The following PAWR variants were observed in gnomAD, a reference collection of about 807,000 sequenced individuals.
PAWR encodes the protein PRKC apoptosis WT1 regulator protein.
A neutral mutation model predicts 32.0 loss-of-function variants in PAWR; 23 were observed. That is an observed-to-expected ratio of 0.72 (90% CI 0.52 to 1.02). The LOEUF (loss-of-function observed/expected upper bound fraction) is 1.02, where lower values mean the gene tolerates loss of function less well. PAWR is among the 50% of genes least tolerant of loss of function. The probability of loss-of-function intolerance (pLI) is 0.00; values close to 1 mark genes in which losing one functional copy is unlikely to be tolerated. For missense variants in PAWR, 457 were observed against 437.7 expected (o/e 1.04, Z -0.39); for synonymous variants, 226 against 187.1 (o/e 1.21, Z -1.70).
At chr12:79,662,858 G>A (rs1436210491) in intron 2 of PAWR, among the ~76,000 whole-genome samples, 1 of 152,138 alleles carries the variant, frequency 6.6e-6, no homozygotes, top group Non-Finnish European at 1.5e-5. Flanking sequence ...TTTTTAAAGT[G>A]CTAATTATTA....
chr12:79,618,963 C>G (rs113657638), intron 3 of PAWR, among the ~76,000 whole-genome samples: 1 of 151,654 alleles, frequency 6.6e-6, no homozygotes, highest in Admixed American at 6.6e-5. Context: ...CTTTCACTTT[C>G]TACAGTTTCA....
intron 2 of PAWR, among the ~76,000 whole-genome samples, chr12:79,643,899 C>T (rs1565687487): frequency 6.6e-6 from 1 of 152,134 alleles, no homozygotes; most frequent in Non-Finnish European, 1.5e-5. Context: ...ATTTCACTGA[C>T]ATTGGACTAA....
rs112345547 is a variant in PAWR at position 79,644,784 on chromosome 12, C to T, written c.517-23577G>A. ...TTCCCTTAGATTCTAAACAGGTTTG[C>T]ATTTACATGTCCTAACCCTAAGATA... is the stretch of plus-strand genomic sequence containing the variant. On this transcript the variant is annotated intron_variant, in intron 2 of 6. Coordinates refer to ENST00000328827, the MANE Select transcript of PAWR (RefSeq NM_002583.4). Among the ~76,000 whole-genome samples the T allele has an allele frequency of 2.8e-3, 422 of 152,194 alleles. 2 individuals carry two copies. The highest frequency in any genetic ancestry group is 5.0e-3 in the Non-Finnish European group (338 of 67,980).
intron 2 of PAWR, among the ~76,000 whole-genome samples, chr12:79,643,906 CTAAA>C (rs1876450371): frequency 6.6e-6 from 1 of 152,134 alleles, no homozygotes; most frequent in African/African-American, 2.4e-5. Context: ...TGACATTGGA[CTAAA>C]TAATTACTAG....
chr12:79,617,707 G>C (rs540470384), intron 3 of PAWR, among the ~76,000 whole-genome samples: 17 of 152,130 alleles, frequency 1.1e-4, no homozygotes, highest in Non-Finnish European at 1.9e-4. Flanking sequence ...GATCAAATTA[G>C]AGTAATTAGC....
At chr12:79,627,748 G>C (rs1248590040) in intron 2 of PAWR, among the ~76,000 whole-genome samples, 1 of 152,164 alleles carries the variant, frequency 6.6e-6, no homozygotes, top group Non-Finnish European at 1.5e-5. Context: ...AATTCAAGAA[G>C]AAGAGCTAAC....
At chr12:79,673,243 G>A (rs920004701) in intron 2 of PAWR, among the ~76,000 whole-genome samples, 3 of 151,706 alleles carry the variant, frequency 2.0e-5, no homozygotes, top group Non-Finnish European at 2.9e-5. Flanking sequence ...CTAATTTTTT[G>A]TATTTTTAGT....
chr12:79,633,707 A>C (rs1045081804), intron 2 of PAWR, among the ~76,000 whole-genome samples: 1 of 152,210 alleles, frequency 6.6e-6, no homozygotes, highest in Non-Finnish European at 1.5e-5. Flanking sequence ...ACCAACAACA[A>C]GGTACTCACC....
chr12:79,604,266 AC>A, intron 4 of PAWR: 1 of 988,428 alleles, frequency 1.0e-6, no homozygotes, highest in Non-Finnish European at 1.2e-6. Context: ...AGCTACAAAG[AC>A]ATGAACTATA....
chr12:79,689,824 C>T lies in PAWR; in HGVS notation c.421G>A (p.Gly141Ser). 1.3e-6 allele frequency: 2 copies of T among 1,594,514 alleles called. No homozygotes were observed. Among genetic ancestry groups the T allele is most frequent in the Non-Finnish European group, 1.7e-6 (2 of 1,171,586 alleles). The change falls in exon 2 of 7, where the codon GGC (glycine) becomes AGC (serine). Residue 141 changes from glycine to serine, a missense_variant. Transcript: ENST00000328827. ...CCCTTGCCTTTCCTGGCACTGGGGC[C>T]CGAGCTCTTGCCCTTCTCTGGGACG... ...DGVPEKGKSS[G>S]PSARKGKGQI...
At chr12:79,639,881 T>TATTCCTATTCCTATTCCCATTCCATTCC in intron 2 of PAWR, among the ~76,000 whole-genome samples, 2 of 112,502 alleles carry the variant, frequency 1.8e-5, no homozygotes, top group African/African-American at 1.0e-4. Context: ...TTCCTATTCC[T>TATTCCTATTCCTATTCCCATTCCATTCC]ATTCCATTCC....
intron 3 of PAWR, among the ~76,000 whole-genome samples, chr12:79,620,783 A>C (rs1297437155): frequency 6.6e-6 from 1 of 152,160 alleles, no homozygotes; most frequent in East Asian, 1.9e-4. Flanking sequence ...CAAGTTGAGG[A>C]AGAGTCCCCA....
chr12:79,678,887 C>CG (rs1321032321), intron 2 of PAWR, among the ~76,000 whole-genome samples: 1 of 61,642 alleles, frequency 1.6e-5, no homozygotes, highest in African/African-American at 4.9e-5. Flanking sequence ...TTTTTTTTGG[C>CG]GGGGGTGGGA....
chr12:79,646,274 A>G (rs1224063328), intron 2 of PAWR, among the ~76,000 whole-genome samples: 4 of 152,158 alleles, frequency 2.6e-5, no homozygotes, highest in Non-Finnish European at 5.9e-5. Context: ...TAGTAGTACT[A>G]AGGACACTCC....
chr12:79,655,010 T>A (rs1877028479), intron 2 of PAWR, among the ~76,000 whole-genome samples: 1 of 152,222 alleles, frequency 6.6e-6, no homozygotes, highest in Non-Finnish European at 1.5e-5. Flanking sequence ...TTGAAGGAAT[T>A]CTTTCAGCTC....
chr12:79,587,144 A>C lies in PAWR; in HGVS notation c.*5463T>G, dbSNP rs1187851333. 1.3e-5 allele frequency: 2 copies of C among 152,092 alleles called. No homozygotes were observed. Among genetic ancestry groups the C allele is most frequent in the Non-Finnish European group, 1.5e-5 (1 of 67,942 alleles). The allele number at this position is 152,092 out of a possible 1,614,324, so 9.4% of individuals were successfully genotyped here. Reference sequence around the variant, plus strand: ...AAGATGAAAGGTTCCATTTCATGTAAGATTATGTGACCTTGGAAAAATTTA... The same window carrying C: ...AAGATGAAAGGTTCCATTTCATGTACGATTATGTGACCTTGGAAAAATTTA... On this transcript the variant is annotated 3_prime_UTR_variant, in exon 7 of 7. Coordinates refer to ENST00000328827, the MANE Select transcript of PAWR (RefSeq NM_002583.4).
At chr12:79,668,961 C>A (rs1033588011) in intron 2 of PAWR, among the ~76,000 whole-genome samples, 11 of 152,214 alleles carry the variant, frequency 7.2e-5, no homozygotes, top group Admixed American at 2.0e-4. Context: ...CATGCACTTC[C>A]AACTGTGTGC....
At chr12:79,661,577 G>C (rs1170920508) in intron 2 of PAWR, among the ~76,000 whole-genome samples, 1 of 152,070 alleles carries the variant, frequency 6.6e-6, no homozygotes, top group African/African-American at 2.4e-5. Flanking sequence ...GCCGTAAGAA[G>C]ATAGTTTTCT....
chr12:79,656,076 G>C, intron 2 of PAWR, among the ~76,000 whole-genome samples: 1 of 152,174 alleles, frequency 6.6e-6, no homozygotes, highest in Non-Finnish European at 1.5e-5. Flanking sequence ...TCACATCTGA[G>C]GTATCAAGGT....
Sources: allele counts gnomAD v4.1 joint callset (sites outside exome capture counted in the v4.1 genomes callset), GRCh38; gene constraint gnomAD v4.1.1; transcripts MANE v1.5; gene names NCBI Gene and HGNC (gene_info 2026-07-23, HGNC 2026-07-21).